TRIO: variants seen among roughly 807,000 people sequenced by gnomAD.
TRIO encodes the protein trio Rho guanine nucleotide exchange factor.
In TRIO, 58 loss-of-function variants were observed where a neutral mutation model predicts 351.9. That is an observed-to-expected ratio of 0.16 (90% CI 0.13 to 0.21). The LOEUF (loss-of-function observed/expected upper bound fraction) is 0.21. Ranked by LOEUF, TRIO falls within the 10% of genes least tolerant of loss-of-function variation. The pLI is 1.00. For missense variants in TRIO, 3,201 were observed against 4,027.8 expected, an observed-to-expected ratio of 0.79 and a Z score of 5.56; for synonymous variants, 1,758 against 1,595.7, an observed-to-expected ratio of 1.10 and a Z score of -2.42.
At chr5:14,421,231 AT>A (rs60891392) in intron 34 of TRIO, among the ~76,000 whole-genome samples, 15,621 of 73,172 alleles carry the variant, frequency 0.21, 1,875 homozygotes, top group African/African-American at 0.47. Flanking sequence ...TTATTTATTT[AT>A]TTTATTTTAT....
chr5:14,384,156 T>C (rs1034292399), intron 21 of TRIO, among the ~76,000 whole-genome samples: 2 of 152,200 alleles, frequency 1.3e-5, no homozygotes, highest in African/African-American at 4.8e-5. Context: ...GAGTGAGGCC[T>C]GCGGATGAGC....
chr5:14,332,884 T>G (rs1224079532), intron 10 of TRIO, among the ~76,000 whole-genome samples: 1 of 152,178 alleles, frequency 6.6e-6, no homozygotes, highest in East Asian at 1.9e-4. Flanking sequence ...TGTCTTTGCC[T>G]AGAACAGTAC....
chr5:14,401,847 A>G (rs531743701), intron 31 of TRIO, among the ~76,000 whole-genome samples: 14 of 152,230 alleles, frequency 9.2e-5, no homozygotes, highest in Middle Eastern at 3.4e-3. Flanking sequence ...CTTATCGAAT[A>G]TTGGGAGATG....
At position 14,280,392 on chromosome 5, in the gene TRIO, G is replaced by A. The variant is rs774408994; in HGVS notation, c.303G>A (p.Gln101=). Residue 101 remains glutamine (Q), a synonymous_variant, in exon 3 of 57, where the codon CAG becomes CAA. Transcript: ENST00000344204. ...PARSNHDRIR[Q]EDLRRLISYL... ...GCAGCAATCATGACAGAATACGACA[G>A]GAGGATCTCAGGAGACTCATTTCCT... 62 of 1,614,042 alleles carry A rather than the reference G, an allele frequency of 3.8e-5. No homozygotes were observed. Among genetic ancestry groups the A allele is most frequent in the Middle Eastern group, 1.6e-4 (1 of 6,084 alleles).
intron 46 of TRIO, among the ~76,000 whole-genome samples, chr5:14,484,760 C>G (rs916600604): frequency 2.0e-5 from 3 of 152,136 alleles, no homozygotes; most frequent in Non-Finnish European, 2.9e-5. Context: ...CAGTAACTCC[C>G]CACTTCCCCA....
intron 1 of TRIO, among the ~76,000 whole-genome samples, chr5:14,219,330 C>T (rs1792442258): frequency 6.6e-6 from 1 of 152,066 alleles, no homozygotes; most frequent in Non-Finnish European, 1.5e-5. Context: ...CCATTTAGAT[C>T]CTTGCCCTGT....
intron 2 of TRIO, among the ~76,000 whole-genome samples, chr5:14,275,551 C>T (rs990162052): frequency 2.0e-5 from 3 of 150,420 alleles, no homozygotes; most frequent in South Asian, 2.1e-4. Flanking sequence ...GCTTTCTCCA[C>T]CCTGTGCCTC....
Position 14,297,064 on chromosome 5 carries a change from C to A in TRIO, c.1177-8C>A. On this transcript the variant is annotated splice_polypyrimidine_tract_variant and splice_region_variant and intron_variant, in intron 6 of 56. Transcript: ENST00000344204. ...CTAAGGAGCCCTCTTTTCCTGCCCA[C>A]TTTCCAGAACGTGTATGTAAATATA... 1 of 1,603,654 alleles carries A rather than the reference C, an allele frequency of 6.2e-7. No individual in the cohort carries two copies. Among genetic ancestry groups the A allele is most frequent in the South Asian group, 1.1e-5 (1 of 90,552 alleles).
chr5:14,177,575 G>GAAC (rs765466272), intron 1 of TRIO, among the ~76,000 whole-genome samples: 3 of 152,158 alleles, frequency 2.0e-5, no homozygotes, highest in Non-Finnish European at 2.9e-5. Context: ...GGAAATTTAA[G>GAAC]AACAACAACA....
At chr5:14,359,627 GT>G in intron 13 of TRIO, 96 bp downstream of exon 13, 1 of 1,419,356 alleles carries the variant, frequency 7.0e-7, no homozygotes, top group Non-Finnish European at 9.6e-7. Context: ...CTGAGGTCCT[GT>G]GTCCTCACCC....
At chr5:14,347,961 G>A (rs1437382133) in intron 11 of TRIO, among the ~76,000 whole-genome samples, 8 of 152,242 alleles carry the variant, frequency 5.3e-5, no homozygotes, top group African/African-American at 1.7e-4. Flanking sequence ...AATCACATAG[G>A]TGGCAACAGC....
intron 11 of TRIO, among the ~76,000 whole-genome samples, chr5:14,351,595 A>C (rs572897748): frequency 6.6e-6 from 1 of 152,234 alleles, no homozygotes; most frequent in Non-Finnish European, 1.5e-5. Flanking sequence ...TCACACGTGG[A>C]TTCTCACTCC....
In TRIO at chr5:14,497,005, G is replaced by A; in HGVS notation, c.8007G>A (p.Lys2669=). The change falls in exon 50 of 57, where the codon AAG becomes AAA. Residue 2669 remains lysine (K), a synonymous_variant. Coordinates refer to ENST00000344204, the MANE Select transcript of TRIO (RefSeq NM_007118.4). This position sits in a 1 kb window ranked among gnomAD's most constrained non-coding sequence, Gnocchi z 4.4. ...AGTCACGGGAAGGACTCAGCAACAA[G>A]GTATCTGTGAAGGTGTGTTCGGGGG... ...YRKSREGLSN[K]VSVKLLNPNY... is the part of the protein sequence containing the mutation. The A allele has an allele frequency of 6.2e-7, 1 of 1,614,212 alleles. No homozygotes were observed. Among genetic ancestry groups the A allele is most frequent in the Non-Finnish European group, 8.5e-7 (1 of 1,180,030 alleles).
chr5:14,503,030 C>T (rs1273282883), intron 54 of TRIO, among the ~76,000 whole-genome samples: 1 of 152,246 alleles, frequency 6.6e-6, no homozygotes, highest in East Asian at 1.9e-4. Flanking sequence ...TGCATGGAGA[C>T]TTCAAGGAGT....
chr5:14,418,500 G>GT (rs201611237), intron 33 of TRIO, among the ~76,000 whole-genome samples: 1,677 of 152,216 alleles, frequency 0.011, 17 homozygotes, highest in Non-Finnish European at 0.017. Flanking sequence ...AAAGAGTGGG[G>GT]TTTTTTAGCT....
intron 21 of TRIO, 170 bp from the exon 22 acceptor site, chr5:14,387,268 T>G: frequency 1.7e-6 from 1 of 577,816 alleles, no homozygotes; most frequent in South Asian, 2.8e-5. Context: ...AGATAGCTGG[T>G]CAGGAATCCG....
Position 14,270,859 on chromosome 5 carries a change from T to G in TRIO, c.192T>G (p.Asp64Glu). ...FRKNDEMKAMDVLPILKEKVA... is the reference protein window; with the variant it reads ...FRKNDEMKAMEVLPILKEKVA... The stretch of plus-strand genomic sequence containing the variant: ...AAAACGATGAAATGAAAGCTATGGA[T>G]GTTTTACCAATTTTGAAGGAAAAAG... Residue 64 changes from aspartate to glutamate, a missense_variant, in exon 2 of 57, where the codon GAT (aspartate) becomes GAG (glutamate). Physicochemically the swap from Asp to Glu is conservative, Grantham distance 45 (BLOSUM62 2). Transcript: ENST00000344204. 1 of 1,614,090 alleles carries G rather than the reference T, an allele frequency of 6.2e-7. No individual in the cohort carries two copies. The highest frequency in any genetic ancestry group is 1.1e-5 in the South Asian group (1 of 91,084).
chr5:14,443,820 A>G (rs187449459), intron 34 of TRIO, among the ~76,000 whole-genome samples: 1 of 152,402 alleles, frequency 6.6e-6, no homozygotes, highest in Non-Finnish European at 1.5e-5. Flanking sequence ...GGTAAGGTCA[A>G]GAAGAACTGT....
At chr5:14,495,783 A>G (rs1253385325) in intron 49 of TRIO, among the ~76,000 whole-genome samples, 1 of 151,912 alleles carries the variant, frequency 6.6e-6, no homozygotes, top group Non-Finnish European at 1.5e-5. Flanking sequence ...CCTGGCTAAC[A>G]GTGAAACCCC....
Sources: gnomAD v4.1 joint callset for allele counts (sites outside exome capture counted in the v4.1 genomes callset) on GRCh38, gnomAD v4.1.1 for gene constraint, Gnocchi (gnomAD v3.1) non-coding constraint, MANE v1.5 for transcripts, NCBI Gene and HGNC (gene_info 2026-07-23, HGNC 2026-07-21) for gene names.